The following RPSA2 variants were observed in gnomAD, a reference collection of about 807,000 sequenced individuals.
RPSA2 encodes the protein ribosomal protein SA 2.
the RPSA2 span, among the ~76,000 whole-genome samples, chr19:23,761,911 T>TCCTTCCTTCCTTCCTTCCTTCCTTCCTTC: frequency 4.2e-5 from 1 of 24,066 alleles, no homozygotes; most frequent in African/African-American, 1.3e-4. Flanking sequence ...ATTCTTTCTT[T>TCCTTCCTTCCTTCCTTCCTTCCTTCCTTC]CTTTCTTTCT....
chr19:23,799,957 CTCT>C, the RPSA2 span, among the ~76,000 whole-genome samples: 1 of 151,694 alleles, frequency 6.6e-6, no homozygotes, highest in African/African-American at 2.4e-5. Context: ...TCTTTTCGAT[CTCT>C]TAAGCAGACT....
the RPSA2 span, among the ~76,000 whole-genome samples, chr19:23,789,209 C>T: frequency 2.6e-5 from 4 of 151,890 alleles, no homozygotes; most frequent in East Asian, 7.7e-4. Flanking sequence ...CCATGCTGGC[C>T]AGTGTGGTCT....
the RPSA2 span, among the ~76,000 whole-genome samples, chr19:23,800,314 A>G: frequency 6.8e-4 from 103 of 152,182 alleles, 1 homozygote; most frequent in East Asian, 0.019. Context: ...AGCTGGGATT[A>G]CTGGTGTAAG....
At chr19:23,780,381 C>T in the RPSA2 span, among the ~76,000 whole-genome samples, 1 of 152,178 alleles carries the variant, frequency 6.6e-6, no homozygotes, top group South Asian at 2.1e-4. Context: ...CGGTGGCTCA[C>T]ACCTGTAATC....
chr19:23,829,097 G>T, the RPSA2 span, among the ~76,000 whole-genome samples: 3 of 152,080 alleles, frequency 2.0e-5, no homozygotes, highest in South Asian at 6.2e-4. Flanking sequence ...TAGCTTGTGT[G>T]ATATTATTTT....
the RPSA2 span, chr19:23,790,747 G>A: frequency 4.4e-6 from 2 of 458,432 alleles, no homozygotes; most frequent in African/African-American, 2.1e-5. Context: ...CAGCAAAGAC[G>A]CCAGGACCCG....
At chr19:23,800,712 T>A in the RPSA2 span, among the ~76,000 whole-genome samples, 1 of 151,814 alleles carries the variant, frequency 6.6e-6, no homozygotes, top group African/African-American at 2.4e-5. Context: ...CTCCTGGGTT[T>A]AAGTGATTCT....
the RPSA2 span, among the ~76,000 whole-genome samples, chr19:23,840,041 G>C: frequency 1.3e-5 from 2 of 152,170 alleles, no homozygotes; most frequent in African/African-American, 4.8e-5. Flanking sequence ...ATATTCTGAA[G>C]ATAAAGGTGG....
At chr19:23,788,351 C>T in the RPSA2 span, among the ~76,000 whole-genome samples, 6 of 152,134 alleles carry the variant, frequency 3.9e-5, no homozygotes, top group Admixed American at 3.3e-4. Context: ...CTGGGTTGTC[C>T]TCTCAGGGCA....
At chr19:23,786,062 G>A in the RPSA2 span, among the ~76,000 whole-genome samples, 2 of 152,150 alleles carry the variant, frequency 1.3e-5, no homozygotes, top group South Asian at 4.1e-4. Context: ...CATCCAGCCA[G>A]AGTTGGAATG....
the RPSA2 span, among the ~76,000 whole-genome samples, chr19:23,867,343 C>T: frequency 1.3e-5 from 2 of 152,166 alleles, no homozygotes. Context: ...ACTTTCCAGC[C>T]TTATGTTGCA....
the RPSA2 span, among the ~76,000 whole-genome samples, chr19:23,861,552 G>T: frequency 6.6e-6 from 1 of 151,980 alleles, no homozygotes; most frequent in African/African-American, 2.4e-5. Context: ...TTTTTTCAGG[G>T]TTCTACTGTA....
chr19:23,830,303 C>G, the RPSA2 span, among the ~76,000 whole-genome samples: 1 of 152,150 alleles, frequency 6.6e-6, no homozygotes, highest in Non-Finnish European at 1.5e-5. Flanking sequence ...TGCCACCACA[C>G]CCAGCTAATT....
At chr19:23,820,453 C>T in the RPSA2 span, among the ~76,000 whole-genome samples, 6 of 152,268 alleles carry the variant, frequency 3.9e-5, no homozygotes, top group East Asian at 3.9e-4. Context: ...CTCCGGGTCT[C>T]CTGGAGGGGA....
chr19:23,865,904 G>C, the RPSA2 span, among the ~76,000 whole-genome samples: 4 of 152,306 alleles, frequency 2.6e-5, no homozygotes, highest in African/African-American at 9.6e-5. Context: ...TGTTAGAATC[G>C]GTGTTCAGAG....
the RPSA2 span, among the ~76,000 whole-genome samples, chr19:23,787,868 G>A: frequency 6.6e-6 from 1 of 152,004 alleles, no homozygotes; most frequent in East Asian, 1.9e-4. Context: ...ATATTGCTGC[G>A]CCCTGCCCAT....
chr19:23,858,321 T>C, the RPSA2 span, among the ~76,000 whole-genome samples: 1 of 151,928 alleles, frequency 6.6e-6, no homozygotes, highest in Non-Finnish European at 1.5e-5. Flanking sequence ...GTTAGAGTGA[T>C]GGATACCCTA....
chr19:23,790,762 A>G, the RPSA2 span: 1 of 485,880 alleles, frequency 2.1e-6, no homozygotes, highest in Non-Finnish European at 3.9e-6. Context: ...GACCCGCTGA[A>G]AGCCTAGAAA....
the RPSA2 span, among the ~76,000 whole-genome samples, chr19:23,781,655 C>T: frequency 6.6e-6 from 1 of 152,128 alleles, no homozygotes; most frequent in East Asian, 1.9e-4. Context: ...ACATAATTTG[C>T]AAAGGAAATT....
Sources: allele counts gnomAD v4.1 joint callset (sites outside exome capture counted in the v4.1 genomes callset), GRCh38; gene constraint gnomAD v4.1.1; transcripts MANE v1.5; gene names NCBI Gene and HGNC (gene_info 2026-07-23, HGNC 2026-07-21).